The following ABCA4 variants were observed in gnomAD, a reference collection of about 807,000 sequenced individuals.
ABCA4 encodes retinal-specific phospholipid-transporting ATPase ABCA4.
A neutral mutation model predicts 263.7 loss-of-function variants in ABCA4; 196 were observed. That is an observed-to-expected ratio of 0.74 (90% confidence interval 0.66 to 0.84). The LOEUF (loss-of-function observed/expected upper bound fraction) is 0.84, where lower values mean the gene tolerates loss of function less well. Ranked by LOEUF, ABCA4 falls within the 40% of genes least tolerant of loss-of-function variation. ABCA4 has a pLI of 0.00. For missense variants in ABCA4, 2,792 were observed against 2,855.1 expected (o/e 0.98, Z 0.50); for synonymous variants, 1,133 against 1,094.2 (o/e 1.04, Z -0.70).
In ABCA4 at chr1:94,026,739, C is replaced by G. The variant is rs574154113; in HGVS notation, c.4540-1691G>C. On this transcript the variant is annotated intron_variant, in intron 30 of 49. Transcript: ENST00000370225. Reference sequence around the variant, plus strand: ...AGAGTGCTTCCACCTCAGGACCCACCACATTCAAAGAATGTTAGAGCAGGG... The same window carrying G: ...AGAGTGCTTCCACCTCAGGACCCACGACATTCAAAGAATGTTAGAGCAGGG... Among the ~76,000 whole-genome samples, 3 of 152,300 alleles carry G rather than the reference C, an allele frequency of 2.0e-5. No individual in the cohort carries two copies. The East Asian group carries it at 5.8e-4, about 29-fold the overall frequency.
rs565752959 is a variant in ABCA4, at chr1:93,997,970, T to C, written c.6620A>G (p.Gln2207Arg). The C allele has an allele frequency of 4.3e-6, 7 of 1,614,160 alleles. No homozygotes were observed. In the East Asian group the frequency reaches 1.1e-4, roughly 26 times the overall value. Residue 2207 changes from glutamine (Q) to arginine (R), a missense_variant, in exon 48 of 50, where the codon CAG becomes CGG. Physicochemically the swap from Gln to Arg is conservative, Grantham distance 43 (BLOSUM62 1). Transcript: ENST00000370225. ...CAGGGAGGAGGAGGAGACCTGGAAC[T>C]GGAGCATGTTGTAGTGCCTCTCCCT... is the stretch of plus-strand genomic sequence containing the variant. ...VQRERHYNML[Q>R]FQVSSSSLAR...
At chr1:94,006,077 TG>T (rs1659371019) in intron 43 of ABCA4, among the ~76,000 whole-genome samples, 1 of 152,196 alleles carries the variant, frequency 6.6e-6, no homozygotes, top group South Asian at 2.1e-4. Flanking sequence ...TAGAGTGAGT[TG>T]GGTTCCACCA....
chr1:94,041,885 C>T (rs997180592), intron 22 of ABCA4, among the ~76,000 whole-genome samples: 8 of 152,068 alleles, frequency 5.3e-5, no homozygotes, highest in African/African-American at 7.2e-5. Flanking sequence ...CACCTGAGGT[C>T]GGGAGATCGA....
At position 94,078,638 on chromosome 1, in the gene ABCA4, G is replaced by A; in HGVS notation, c.1308C>T (p.Pro436=). Residue 436 remains proline, a synonymous_variant, in exon 10 of 50, where the codon CCC becomes CCT. Coordinates refer to ENST00000370225, the MANE Select transcript of ABCA4 (RefSeq NM_000350.3). The part of the protein sequence containing the change: ...KLVKAWEEVG[P]QIWYFFDNST... The stretch of plus-strand genomic sequence containing the variant: ...TGTTGTCAAAGAAGTACCAGATCTG[G>A]GGCCCTACTTCTTCCCAGGCTTTGA... 6.2e-7 allele frequency: 1 copy of A among 1,607,454 alleles called. No homozygotes were observed. Among genetic ancestry groups the A allele is most frequent in the Non-Finnish European group, 8.5e-7 (1 of 1,178,974 alleles).
At chr1:94,037,743 T>C (rs1316742131) in intron 24 of ABCA4, among the ~76,000 whole-genome samples, 13 of 152,208 alleles carry the variant, frequency 8.5e-5, no homozygotes, top group Admixed American at 8.5e-4. Context: ...AAAATACTGG[T>C]ATCCACTTCA....
intron 44 of ABCA4, among the ~76,000 whole-genome samples, chr1:94,004,187 C>T (rs910484601): frequency 2.0e-5 from 3 of 152,120 alleles, no homozygotes; most frequent in African/African-American, 7.2e-5. Flanking sequence ...ATATACATGC[C>T]TATGTGCATG....
In ABCA4 at chr1:94,032,014, T is replaced by C; in HGVS notation, c.3892A>G (p.Asn1298Asp). The change falls in exon 27 of 50, where the codon AAC becomes GAC. Residue 1298 changes from asparagine to aspartate, a missense_variant. Asn to Asp is a conservative substitution (Grantham distance 23). Transcript: ENST00000370225. ...GGAQQKRENVNPRHPCLGPRE... is the reference protein window; with the variant it reads ...GGAQQKRENVDPRHPCLGPRE... ...GGACCCAAGCAGGGGTGTCGGGGGT[T>C]GACGTTTTCTCTTTTCTGCTGAGCG... 1.2e-6 allele frequency: 2 copies of C among 1,613,224 alleles called. No individual in the cohort carries two copies. Among genetic ancestry groups the C allele is most frequent in the Non-Finnish European group, 8.5e-7 (1 of 1,180,000 alleles).
rs1658914291 is a variant in ABCA4 at position 93,993,134 on chromosome 1, T to C, written c.*103A>G. 1.3e-6 allele frequency: 2 copies of C among 1,504,788 alleles called. No homozygotes were observed. Among genetic ancestry groups the C allele is most frequent in the Non-Finnish European group, 9.2e-7 (1 of 1,084,444 alleles). The allele number at this position is 1,504,788 out of a possible 1,614,324, so 93.2% of individuals were successfully genotyped here. On this transcript the variant is annotated 3_prime_UTR_variant, in exon 50 of 50. Coordinates refer to ENST00000370225, the MANE Select transcript of ABCA4 (RefSeq NM_000350.3). ...TTTGTTTTCTGCTGCAGTGGGGTCA[T>C]TTACGCTGGCCAGTCCATTTGGATG...
In ABCA4 at chr1:94,046,890, G is replaced by A. The variant is rs369600184; in HGVS notation, c.2918+29C>T. The A allele has an allele frequency of 1.2e-5, 19 of 1,611,356 alleles. No individual in the cohort carries two copies. In the East Asian group the frequency reaches 4.0e-4, roughly 34 times the overall value. ...AGCCAGGAAATGACAGGCTAGCATG[G>A]CAGCCAGCTTCTCTGCTGGAAGACT... is the stretch of plus-strand genomic sequence containing the variant. On this transcript the variant is annotated intron_variant, in intron 19 of 49. Transcript: ENST00000370225.
chr1:94,005,490 A>C lies in ABCA4; in HGVS notation c.6098T>G (p.Leu2033Arg), dbSNP rs1553186896. Residue 2033 changes from leucine to arginine, a missense_variant, in exon 44 of 50, where the codon CTT (leucine) becomes CGT (arginine). Physicochemically the swap from Leu to Arg is moderately radical, Grantham distance 102 (BLOSUM62 -2). Transcript: ENST00000370225. ...ACCTCGAAGCCGGGCATAAAGGTAA[A>C]GATGTTCTCGTCCTGTGAGCAGCTC... The part of the protein sequence containing the change: ...IDELLTGREH[L>R]YLYARLRGVP... The C allele has an allele frequency of 5.6e-6, 9 of 1,614,226 alleles. No homozygotes were observed. Among genetic ancestry groups the C allele is most frequent in the Non-Finnish European group, 7.6e-6 (9 of 1,180,044 alleles).
Position 94,111,598 on chromosome 1 carries a change from G to A in ABCA4, c.161-19C>T. The A allele has an allele frequency of 1.9e-6, 3 of 1,614,032 alleles. No individual in the cohort carries two copies. Among genetic ancestry groups the A allele is most frequent in the Non-Finnish European group, 2.5e-6 (3 of 1,179,994 alleles). On this transcript the variant is annotated intron_variant, in intron 2 of 49. Coordinates refer to ENST00000370225, the MANE Select transcript of ABCA4 (RefSeq NM_000350.3). ...AAATGGCCTTTAAAACAGAAAATGA[G>A]GACAAGACGGGATTAGTCATGGAGA... is the stretch of plus-strand genomic sequence containing the variant.
At chr1:94,070,453 C>T (rs565753645) in intron 11 of ABCA4, among the ~76,000 whole-genome samples, 22 of 152,314 alleles carry the variant, frequency 1.4e-4, no homozygotes, top group African/African-American at 5.3e-4. Flanking sequence ...TATGCCCTTC[C>T]TCCTGCCTGA....
intron 4 of ABCA4, among the ~76,000 whole-genome samples, chr1:94,104,520 A>C (rs1265556041): frequency 3.3e-5 from 5 of 152,046 alleles, no homozygotes; most frequent in Admixed American, 1.3e-4. Flanking sequence ...CCTGAACAGC[A>C]CCATATCCGG....
At chr1:94,103,891 A>G (rs114761239) in intron 4 of ABCA4, among the ~76,000 whole-genome samples, 3,012 of 152,144 alleles carry the variant, frequency 0.02, 52 homozygotes, top group Non-Finnish European at 0.029. Flanking sequence ...TCCTCTCAAC[A>G]CCTGTGGGAA....
At chr1:94,068,926 T>C (rs895820011) in intron 11 of ABCA4, among the ~76,000 whole-genome samples, 1 of 152,210 alleles carries the variant, frequency 6.6e-6, no homozygotes, top group Non-Finnish European at 1.5e-5. Flanking sequence ...TGACAGCCAA[T>C]GACAATAAAG....
At chr1:94,029,368 C>A in intron 30 of ABCA4, 77 bp downstream of exon 30, 1 of 1,320,020 alleles carries the variant, frequency 7.6e-7, no homozygotes, top group Non-Finnish European at 1.0e-6. Context: ...TTGTGAGAGA[C>A]TCAGGAGATA....
intron 11 of ABCA4, among the ~76,000 whole-genome samples, chr1:94,075,219 G>A (rs1403770049): frequency 6.6e-6 from 1 of 152,092 alleles, no homozygotes; most frequent in Non-Finnish European, 1.5e-5. Flanking sequence ...TGCATGTGGG[G>A]CTTAAAACCT....
chr1:94,027,498 G>A (rs961697133), intron 30 of ABCA4, among the ~76,000 whole-genome samples: 1 of 152,196 alleles, frequency 6.6e-6, no homozygotes, highest in Non-Finnish European at 1.5e-5. Context: ...GGGCACAGAG[G>A]ACTGAGACAA....
At position 94,111,290 on chromosome 1, in the gene ABCA4, GA is replaced by G. The variant is rs1662593992; in HGVS notation, c.302+147del. 4.3e-6 allele frequency: 5 copies of G among 1,151,516 alleles called. No individual in the cohort carries two copies. In the East Asian group the frequency reaches 1.3e-4, roughly 30 times the overall value. The allele number at this position is 1,151,516 out of a possible 1,614,324, so 71.3% of individuals were successfully genotyped here. A position where few individuals can be genotyped will look rare whatever the true frequency, so the allele number is the denominator to read the frequency against. ...ACAGTTAACAGAATGTTCCAGAGAGGAAACCTGCTCTGCTCCTAAGAGGTTA... is the reference window on the plus strand; with the variant it reads ...ACAGTTAACAGAATGTTCCAGAGAGGAACCTGCTCTGCTCCTAAGAGGTTA... On this transcript the variant is annotated intron_variant, in intron 3 of 49. Transcript: ENST00000370225.
Sources: gnomAD v4.1 joint callset for allele counts (sites outside exome capture counted in the v4.1 genomes callset) on GRCh38, gnomAD v4.1.1 for gene constraint, MANE v1.5 for transcripts, NCBI Gene and HGNC (gene_info 2026-07-23, HGNC 2026-07-21) for gene names.